The following CSMD1 variants were observed in gnomAD, a reference collection of about 807,000 sequenced individuals.
The protein encoded by CSMD1 is CUB and Sushi multiple domains 1.
CSMD1 carries 213 observed loss-of-function variants against 417.5 expected under a neutral mutation model. The observed-to-expected ratio is 0.51, with a 90% CI of 0.46 to 0.57. The LOEUF (loss-of-function observed/expected upper bound fraction) is 0.57. Ranked by LOEUF, CSMD1 falls within the 20% of genes least tolerant of loss-of-function variation. The pLI, the probability that CSMD1 is intolerant of heterozygous loss-of-function variation, is 0.00. For synonymous variants in CSMD1, 2,862 were observed against 1,736.8 expected (o/e 1.65, Z -16.11); for missense variants, 6,923 against 4,529.7 (o/e 1.53, Z -15.17).
chr8:3,246,490 G>T (rs186415738), intron 26 of CSMD1, among the ~76,000 whole-genome samples: 13,188 of 150,792 alleles, frequency 0.087, 766 homozygotes, highest in Non-Finnish European at 0.12. Flanking sequence ...TATTTTTTTT[G>T]TGACAGAGTC....
chr8:4,107,598 G>C (rs1443801639), intron 3 of CSMD1, among the ~76,000 whole-genome samples: 1 of 152,190 alleles, frequency 6.6e-6, no homozygotes, highest in Non-Finnish European at 1.5e-5. Context: ...TTTGTGAATA[G>C]CTGGGAGTAT....
chr8:4,784,074 T>C (rs970442928), intron 1 of CSMD1, among the ~76,000 whole-genome samples: 2 of 152,238 alleles, frequency 1.3e-5, no homozygotes, highest in East Asian at 1.9e-4. Flanking sequence ...TGAGGGATTG[T>C]CATAGGATTT....
intron 10 of CSMD1, among the ~76,000 whole-genome samples, chr8:3,556,477 C>T (rs1799153092): frequency 7.1e-6 from 1 of 140,658 alleles, no homozygotes; most frequent in African/African-American, 2.7e-5. Context: ...AGTCCTTAAG[C>T]CAAAATTATC....
At chr8:2,966,253 G>A (rs1241237547) in intron 58 of CSMD1, among the ~76,000 whole-genome samples, 1 of 152,158 alleles carries the variant, frequency 6.6e-6, no homozygotes, top group Non-Finnish European at 1.5e-5. Context: ...GAAGCCTGCA[G>A]CCAGAGAACC....
intron 5 of CSMD1, among the ~76,000 whole-genome samples, chr8:3,993,535 A>G (rs1404446988): frequency 6.6e-6 from 1 of 152,204 alleles, no homozygotes; most frequent in Non-Finnish European, 1.5e-5. Context: ...ACTTAATAGT[A>G]AAATTGTGCT....
At chr8:3,389,321 T>G (rs966668937) in intron 17 of CSMD1, among the ~76,000 whole-genome samples, 1 of 152,126 alleles carries the variant, frequency 6.6e-6, no homozygotes, top group Non-Finnish European at 1.5e-5. Context: ...TATGTGTCCA[T>G]GTGTTTTCAT....
chr8:3,678,187 G>C (rs909789372), intron 7 of CSMD1, among the ~76,000 whole-genome samples: 3 of 152,184 alleles, frequency 2.0e-5, no homozygotes, highest in African/African-American at 7.2e-5. Context: ...GCTGGACGGA[G>C]AATGACTTTG....
rs71205423 is a variant in CSMD1 at position 4,146,594 on chromosome 8, A to AT, written c.416-114496dup. Among the ~76,000 whole-genome samples the AT allele has an allele frequency of 2.1e-3, 136 of 64,252 alleles. 6 individuals carry two copies. Among genetic ancestry groups the AT allele is most frequent in the African/African-American group, 0.011 (130 of 12,380 alleles). The allele number at this position is 64,252 out of a possible 152,430, so 42.2% of individuals were successfully genotyped here. ...TCTGTCTAAATGTTTATATGGACAC[A>AT]TTTTTTTTTTTTTTTTTTTTTTTTT... On this transcript the variant is annotated intron_variant, in intron 3 of 69. Coordinates refer to ENST00000635120, the MANE Select transcript of CSMD1 (RefSeq NM_033225.6).
At chr8:4,566,275 T>C (rs1798600767) in intron 2 of CSMD1, among the ~76,000 whole-genome samples, 1 of 152,078 alleles carries the variant, frequency 6.6e-6, no homozygotes. Flanking sequence ...CACCATCTAG[T>C]AAGTTATTGA....
chr8:3,184,514 G>A (rs545300344), intron 36 of CSMD1, among the ~76,000 whole-genome samples: 1 of 152,254 alleles, frequency 6.6e-6, no homozygotes, highest in South Asian at 2.1e-4. Context: ...TCCTGCCTGG[G>A]CTAATGAAAT....
chr8:4,185,247 G>C (rs1334053128), intron 3 of CSMD1, among the ~76,000 whole-genome samples: 1 of 151,516 alleles, frequency 6.6e-6, no homozygotes, highest in Non-Finnish European at 1.5e-5. Context: ...TTTGAATCCT[G>C]GCCCTACCCC....
chr8:3,633,045 T>C (rs547964810), intron 7 of CSMD1, among the ~76,000 whole-genome samples: 69 of 152,260 alleles, frequency 4.5e-4, no homozygotes, highest in Non-Finnish European at 8.7e-4. Context: ...ACTTTTAGTG[T>C]TAGAGTCTGC....
chr8:4,436,918 T>C (rs984591635), intron 2 of CSMD1, among the ~76,000 whole-genome samples: 5 of 152,200 alleles, frequency 3.3e-5, no homozygotes, highest in African/African-American at 9.6e-5. Flanking sequence ...CATTCATCTG[T>C]TGATGGACAC....
intron 2 of CSMD1, among the ~76,000 whole-genome samples, chr8:4,556,713 C>T (rs752576474): frequency 2.6e-5 from 4 of 152,122 alleles, no homozygotes; most frequent in African/African-American, 9.7e-5. Flanking sequence ...AAACACATTG[C>T]CACAAAATAT....
chr8:3,379,841 A>T (rs1369330202), intron 18 of CSMD1, among the ~76,000 whole-genome samples: 1 of 152,246 alleles, frequency 6.6e-6, no homozygotes, highest in Non-Finnish European at 1.5e-5. Flanking sequence ...GGCATGGGCA[A>T]GGACTTCATG....
At chr8:3,616,579 CATTT>C in intron 8 of CSMD1, 127 bp downstream of exon 8, 1 of 642,356 alleles carries the variant, frequency 1.6e-6, no homozygotes, top group South Asian at 2.0e-5. Flanking sequence ...TGATTACACA[CATTT>C]AGAGTTAATG....
intron 1 of CSMD1, among the ~76,000 whole-genome samples, chr8:4,755,790 A>AT (rs899448196): frequency 2.6e-5 from 4 of 152,176 alleles, no homozygotes; most frequent in South Asian, 4.1e-4. Flanking sequence ...CATGAACGCT[A>AT]TTTTTTCCAT....
intron 5 of CSMD1, among the ~76,000 whole-genome samples, chr8:3,894,851 A>G (rs1207142285): frequency 6.6e-6 from 1 of 152,206 alleles, no homozygotes; most frequent in Admixed American, 6.5e-5. Context: ...GCTCTATTCT[A>G]AAGGAACATT....
intron 18 of CSMD1, among the ~76,000 whole-genome samples, chr8:3,386,702 G>A (rs977923947): frequency 6.6e-6 from 1 of 152,074 alleles, no homozygotes; most frequent in Non-Finnish European, 1.5e-5. Context: ...AATGTGTTTT[G>A]GAACACTGTT....
Sources: allele counts gnomAD v4.1 joint callset (sites outside exome capture counted in the v4.1 genomes callset), GRCh38; gene constraint gnomAD v4.1.1; transcripts MANE v1.5; gene names NCBI Gene and HGNC (gene_info 2026-07-23, HGNC 2026-07-21).